Variants in FER1L6 observed in about 807,000 individuals in gnomAD.
FER1L6 encodes fer-1 like family member 6.
A neutral mutation model predicts 219.2 loss-of-function variants in FER1L6; 177 were observed. The observed-to-expected ratio is 0.81, with a 90% CI of 0.71 to 0.91. FER1L6 has a LOEUF of 0.91. FER1L6 is among the 40% of genes least tolerant of loss of function. The pLI, the probability that FER1L6 is intolerant of heterozygous loss-of-function variation, is 0.00. For missense variants in FER1L6, 2,153 were observed against 2,259.9 expected, an observed-to-expected ratio of 0.95 and a Z score of 0.96; for synonymous variants, 768 against 824.3, an observed-to-expected ratio of 0.93 and a Z score of 1.17.
At chr8:123,893,373 G>A (rs1563675803) in intron 1 of FER1L6, among the ~76,000 whole-genome samples, 1 of 152,186 alleles carries the variant, frequency 6.6e-6, no homozygotes, top group African/African-American at 2.4e-5. Flanking sequence ...TGCATGGACT[G>A]AACTAATGGA....
chr8:124,085,413 T>C (rs1488457884), intron 33 of FER1L6, among the ~76,000 whole-genome samples: 2 of 47,114 alleles, frequency 4.2e-5, no homozygotes, highest in African/African-American at 1.0e-4. Flanking sequence ...TAAGTGTTGT[T>C]GGTATGTTTC....
At chr8:124,014,913 G>C (rs1037406239) in intron 15 of FER1L6, among the ~76,000 whole-genome samples, 3 of 152,168 alleles carry the variant, frequency 2.0e-5, no homozygotes, top group African/African-American at 7.2e-5. Context: ...CCTGGCTGCA[G>C]TCATATCAAG....
chr8:124,026,599 T>C (rs748978864), intron 18 of FER1L6, among the ~76,000 whole-genome samples: 1 of 152,176 alleles, frequency 6.6e-6, no homozygotes, highest in African/African-American at 2.4e-5. Flanking sequence ...TTCCTCATCC[T>C]TAGAGGTGTT....
chr8:124,089,898 A>ATATC (rs1017333138), intron 33 of FER1L6, among the ~76,000 whole-genome samples: 9 of 145,392 alleles, frequency 6.2e-5, no homozygotes, highest in African/African-American at 2.2e-4. Context: ...TTATTTCAAT[A>ATATC]TATCTGTAGA....
At chr8:123,954,508 A>G (rs1397005852) in intron 1 of FER1L6, among the ~76,000 whole-genome samples, 1 of 152,232 alleles carries the variant, frequency 6.6e-6, no homozygotes, top group Non-Finnish European at 1.5e-5. Context: ...TTGAGTGAAC[A>G]TCTATCTCCT....
intron 1 of FER1L6, among the ~76,000 whole-genome samples, chr8:123,945,982 C>T (rs1030735574): frequency 2.6e-5 from 4 of 152,114 alleles, no homozygotes; most frequent in Non-Finnish European, 5.9e-5. Flanking sequence ...AAGTAAAACT[C>T]TGTTGGGAAA....
chr8:124,034,853 G>A (rs1161842475), intron 18 of FER1L6, among the ~76,000 whole-genome samples: 1 of 152,182 alleles, frequency 6.6e-6, no homozygotes, highest in Admixed American at 6.5e-5. Context: ...GGGGTTCAGA[G>A]TCTAGAGTCT....
In FER1L6 at chr8:124,060,160, A is replaced by T; in HGVS notation, c.2875-20A>T. The stretch of plus-strand genomic sequence containing the variant: ...CCTGTGTCTCTCCAGCATCTAACTC[A>T]TACTTGCCTTGTGCGGTAGGTTCCT... On this transcript the variant is annotated intron_variant, in intron 22 of 40. Transcript: ENST00000522917. The T allele has an allele frequency of 6.3e-7, 1 of 1,591,918 alleles. No homozygotes were observed. The highest frequency in any genetic ancestry group is 8.6e-7 in the Non-Finnish European group (1 of 1,159,878).
chr8:123,972,027 G>C (rs1168923777), intron 6 of FER1L6, among the ~76,000 whole-genome samples: 1 of 152,250 alleles, frequency 6.6e-6, no homozygotes, highest in Admixed American at 6.5e-5. Flanking sequence ...AACCTGAGAA[G>C]AGAACTTGAA....
At chr8:123,869,454 T>C (rs1225665179) in intron 1 of FER1L6, among the ~76,000 whole-genome samples, 1 of 152,130 alleles carries the variant, frequency 6.6e-6, no homozygotes, top group Non-Finnish European at 1.5e-5. Context: ...AATTTCTACT[T>C]TTTTGCTGTC....
At chr8:123,900,347 A>G (rs888081639) in intron 1 of FER1L6, among the ~76,000 whole-genome samples, 4 of 152,128 alleles carry the variant, frequency 2.6e-5, no homozygotes, top group Non-Finnish European at 5.9e-5. Flanking sequence ...TTAATCTTGT[A>G]TCTGGAAACT....
intron 33 of FER1L6, among the ~76,000 whole-genome samples, chr8:124,082,894 C>T (rs1466108969): frequency 2.0e-5 from 3 of 152,048 alleles, no homozygotes; most frequent in Admixed American, 6.6e-5. Flanking sequence ...CCCTTTGAGG[C>T]GTTATCCGCA....
At chr8:124,010,458 T>C (rs769814563) in intron 13 of FER1L6, 136 bp from the exon 14 acceptor site, 3 of 929,634 alleles carry the variant, frequency 3.2e-6, no homozygotes, top group Non-Finnish European at 4.8e-6. Flanking sequence ...AGATCAAAGA[T>C]GGTGTTAAAA....
intron 18 of FER1L6, among the ~76,000 whole-genome samples, chr8:124,025,053 A>T (rs181284610): frequency 0.012 from 1,873 of 151,498 alleles, 32 homozygotes; most frequent in South Asian, 0.023. Flanking sequence ...TAATGGAATT[A>T]TTTTTTTATG....
At chr8:123,975,624 G>A (rs1816034854) in intron 8 of FER1L6, among the ~76,000 whole-genome samples, 2 of 152,198 alleles carry the variant, frequency 1.3e-5, no homozygotes, top group African/African-American at 4.8e-5. Flanking sequence ...TCACTGGTTT[G>A]TGATGTGGGA....
intron 20 of FER1L6, chr8:124,040,605 G>A (rs547006245): frequency 1.3e-5 from 2 of 153,958 alleles, no homozygotes; most frequent in South Asian, 4.1e-4. Flanking sequence ...AATTTCTAAA[G>A]AAAAGGAAAT....
chr8:123,920,423 A>G (rs1813326200), intron 1 of FER1L6, among the ~76,000 whole-genome samples: 3 of 152,190 alleles, frequency 2.0e-5, no homozygotes, highest in African/African-American at 4.8e-5. Flanking sequence ...GAAATACAGT[A>G]TTCTGAGAGT....
rs543153797 is a variant in FER1L6 at position 124,028,538 on chromosome 8, C to T, written c.2286+4942C>T. On this transcript the variant is annotated intron_variant, in intron 18 of 40. Coordinates refer to ENST00000522917, the MANE Select transcript of FER1L6 (RefSeq NM_001039112.2). ...CTGGGAAATAGGAAGTGAAGGTGGG[C>T]GGGGGTGGGGAGGGGAACATAGAAT... 2.4e-4 allele frequency among the ~76,000 whole-genome samples: 18 copies of T among 75,796 alleles called. No individual in the cohort carries two copies. The East Asian group carries it at 5.0e-3, about 21-fold the overall frequency. The allele number at this position is 75,796 out of a possible 152,430, so 49.7% of individuals were successfully genotyped here.
chr8:123,887,752 T>C (rs1817231235), intron 1 of FER1L6, among the ~76,000 whole-genome samples: 1 of 152,100 alleles, frequency 6.6e-6, no homozygotes, highest in Non-Finnish European at 1.5e-5. Flanking sequence ...GAGAGTGGGA[T>C]TAGCTCTTCT....
Sources: gnomAD v4.1 joint callset for allele counts (sites outside exome capture counted in the v4.1 genomes callset) on GRCh38, gnomAD v4.1.1 for gene constraint, MANE v1.5 for transcripts, NCBI Gene and HGNC (gene_info 2026-07-23, HGNC 2026-07-21) for gene names.